Variants in OGDH observed in about 807,000 individuals in gnomAD.
OGDH encodes oxoglutarate dehydrogenase, also known as 2-oxoglutarate dehydrogenase complex component E1.
OGDH carries 38 observed loss-of-function variants against 116.6 expected under a neutral mutation model. The observed-to-expected ratio is 0.33, with a 90% CI of 0.25 to 0.43. The LOEUF is 0.43. Ranked by LOEUF, OGDH falls within the 20% of genes least tolerant of loss-of-function variation. OGDH has a pLI of 1.00. For missense variants in OGDH, 825 were observed against 1,357.2 expected (o/e 0.61, Z 6.16); for synonymous variants, 488 against 533.3 (o/e 0.92, Z 1.17).
intron 1 of OGDH, among the ~76,000 whole-genome samples, chr7:44,611,403 G>A (rs556598537): frequency 6.6e-6 from 1 of 152,006 alleles, no homozygotes; most frequent in Admixed American, 6.5e-5. Flanking sequence ...TGAGTAGCTG[G>A]GACTACAGGT....
At chr7:44,681,625 A>G in intron 9 of OGDH, 95 bp from the exon 10 acceptor site, 1 of 1,500,032 alleles carries the variant, frequency 6.7e-7, no homozygotes, top group Non-Finnish European at 9.0e-7. Flanking sequence ...TCAAAACGTT[A>G]TTTTTTGAAA....
chr7:44,616,682 CATATG>C (rs1262603529), intron 1 of OGDH, among the ~76,000 whole-genome samples: 3 of 143,356 alleles, frequency 2.1e-5, no homozygotes, highest in Non-Finnish European at 4.5e-5. Context: ...TATATATACA[CATATG>C]TATATGTATA....
intron 2 of OGDH, among the ~76,000 whole-genome samples, chr7:44,630,923 G>A (rs1473946626): frequency 6.6e-6 from 1 of 152,136 alleles, no homozygotes; most frequent in Non-Finnish European, 1.5e-5. Flanking sequence ...TCCCTTGCAT[G>A]CACAGCTCAC....
intron 19 of OGDH, 88 bp downstream of exon 19, chr7:44,700,357 G>C (rs1350381954): frequency 6.5e-7 from 1 of 1,539,726 alleles, no homozygotes; most frequent in Non-Finnish European, 8.8e-7. Context: ...CTCTTGCTTG[G>C]GGTTAGCTAG....
chr7:44,671,938 G>A (rs1328115372), intron 5 of OGDH, among the ~76,000 whole-genome samples: 15 of 148,314 alleles, frequency 1.0e-4, no homozygotes, highest in East Asian at 2.0e-4. Context: ...GTGTGGTGGC[G>A]GGCGCCTGTA....
At chr7:44,615,691 G>T (rs982774420) in intron 1 of OGDH, among the ~76,000 whole-genome samples, 9 of 152,178 alleles carry the variant, frequency 5.9e-5, no homozygotes, top group African/African-American at 2.2e-4. Flanking sequence ...TTTCTGGGTT[G>T]TAGGCTTCTC....
chr7:44,648,678 G>T (rs1295644996), intron 4 of OGDH, among the ~76,000 whole-genome samples: 3 of 152,156 alleles, frequency 2.0e-5, no homozygotes, highest in African/African-American at 7.2e-5. Context: ...GCAGTGCCTG[G>T]ATATCTTTAT....
chr7:44,683,818 C>T (rs1788025630), intron 10 of OGDH, among the ~76,000 whole-genome samples: 1 of 152,176 alleles, frequency 6.6e-6, no homozygotes, highest in Non-Finnish European at 1.5e-5. Context: ...CTGTTAGATT[C>T]TTCCACCAGC....
intron 20 of OGDH, among the ~76,000 whole-genome samples, chr7:44,706,870 C>A (rs548407066): frequency 8.6e-5 from 13 of 151,246 alleles, no homozygotes; most frequent in African/African-American, 2.2e-4. Context: ...GCAATCCGCC[C>A]GCCTCAGCTT....
chr7:44,606,689 C>A (rs1784361851), intron 1 of OGDH, 36 bp downstream of exon 1: 1 of 152,318 alleles, frequency 6.6e-6, no homozygotes. Flanking sequence ...GTCCCAGTGC[C>A]GGGTGTCGCG....
At chr7:44,698,751 G>A (rs957771256) in intron 18 of OGDH, among the ~76,000 whole-genome samples, 3 of 151,668 alleles carry the variant, frequency 2.0e-5, no homozygotes, top group Admixed American at 2.0e-4. Context: ...TGAGGTGGGA[G>A]GATTGCTTGA....
intron 2 of OGDH, among the ~76,000 whole-genome samples, chr7:44,631,357 G>A (rs1421350455): frequency 1.3e-5 from 2 of 152,278 alleles, no homozygotes; most frequent in East Asian, 3.9e-4. Flanking sequence ...GTTAAGTAAT[G>A]GTGGGAATTG....
Position 44,694,883 on chromosome 7 carries a change from TG to T in OGDH, c.1668+309del, listed in dbSNP as rs35883305. 6.6e-6 allele frequency among the ~76,000 whole-genome samples: 1 copy of T among 151,940 alleles called. No individual in the cohort carries two copies. The highest frequency in any genetic ancestry group is 2.4e-5 in the African/African-American group (1 of 41,346). ...AAATTGTGCATGGTTGAGAGGTGGG[TG>T]GTGGATCCAGCTTGGTAAGGGGCCT... On this transcript the variant is annotated intron_variant, in intron 12 of 22. Transcript: ENST00000222673. The surrounding 1 kb of genome is among the most constrained non-coding windows in gnomAD (Gnocchi z 4.2).
rs1218821034 is a variant in OGDH at position 44,696,463 on chromosome 7, G to A, written c.1806G>A (p.Met602Ile). Reference protein sequence around the residue: ...FFTLDGQPRSMSCPSTGLTED... With the variant: ...FFTLDGQPRSISCPSTGLTED... ...CCCTGGACGGGCAGCCCAGGAGCAT[G>A]TCCTGCCCCTCCACGGGTCTGACGG... The change falls in exon 14 of 23, where the codon ATG becomes ATA. Residue 602 changes from methionine to isoleucine, a missense_variant. By Grantham distance (10) the Met-to-Ile change is conservative. Around this residue, in one of 7 missense-constraint regions of OGDH, gnomAD observed 92 missense variants for 129.7 expected, o/e 0.71. Transcript: ENST00000222673. 6.2e-7 allele frequency: 1 copy of A among 1,614,224 alleles called. No individual in the cohort carries two copies. The highest frequency in any genetic ancestry group is 1.7e-5 in the Admixed American group (1 of 60,020).
At position 44,655,817 on chromosome 7, in the gene OGDH, G is replaced by A. The variant is rs1786666744; in HGVS notation, c.517+8058G>A. ...TTTCCTAGTTTGCCTTCTTGAAATG[G>A]GAGATCAAGGAATCCTTCCATTCTT... On this transcript the variant is annotated intron_variant, in intron 4 of 22. Coordinates refer to ENST00000222673, the MANE Select transcript of OGDH (RefSeq NM_002541.4). Among the ~76,000 whole-genome samples the A allele has an allele frequency of 2.0e-5, 3 of 152,296 alleles. No individual in the cohort carries two copies. In the South Asian group the frequency reaches 6.2e-4, roughly 32 times the overall value.
At chr7:44,648,173 G>A (rs949481818) in intron 4 of OGDH, among the ~76,000 whole-genome samples, 1 of 152,230 alleles carries the variant, frequency 6.6e-6, no homozygotes, top group Non-Finnish European at 1.5e-5. Flanking sequence ...CTGAAGCCCA[G>A]TGTGGCCTGC....
At chr7:44,629,222 T>G (rs796746367) in intron 2 of OGDH, among the ~76,000 whole-genome samples, 10 of 151,604 alleles carry the variant, frequency 6.6e-5, no homozygotes, top group African/African-American at 2.4e-4. Context: ...CATTTTGTTT[T>G]GTAGGGACAG....
At position 44,648,982 on chromosome 7, in the gene OGDH, A is replaced by G. The variant is rs182935062; in HGVS notation, c.517+1223A>G. The stretch of plus-strand genomic sequence containing the variant: ...TCTTGGAGCCTCTTCCCTACTGCTC[A>G]CCCCTTAGTACAGCAAACCTCCCTG... On this transcript the variant is annotated intron_variant, in intron 4 of 22. Coordinates refer to ENST00000222673, the MANE Select transcript of OGDH (RefSeq NM_002541.4). 4.4e-3 allele frequency among the ~76,000 whole-genome samples: 670 copies of G among 151,830 alleles called. 1 individual carries two copies. The highest frequency in any genetic ancestry group is 0.015 in the African/African-American group (629 of 41,366).
intron 5 of OGDH, among the ~76,000 whole-genome samples, chr7:44,667,439 G>A (rs894021000): frequency 6.6e-6 from 1 of 152,124 alleles, no homozygotes; most frequent in African/African-American, 2.4e-5. Flanking sequence ...GGGTGGCTTC[G>A]TGCACAGCTC....
Sources: gnomAD v4.1 joint callset for allele counts (sites outside exome capture counted in the v4.1 genomes callset) on GRCh38, gnomAD v4.1.1 for gene constraint, gnomAD v4.1.1 regional missense constraint, Gnocchi (gnomAD v3.1) non-coding constraint, MANE v1.5 for transcripts, NCBI Gene and HGNC (gene_info 2026-07-23, HGNC 2026-07-21) for gene names.